The following CNOT1 variants were observed in gnomAD, a reference collection of about 807,000 sequenced individuals.
CNOT1 encodes CCR4-associated factor 1.
In CNOT1, 15 loss-of-function variants were observed where a neutral mutation model predicts 273.8. That is an observed-to-expected ratio of 0.05 (90% CI 0.04 to 0.08). The LOEUF is 0.08. Ranked by LOEUF, CNOT1 falls within the 10% of genes least tolerant of loss-of-function variation. The pLI is 1.00. For synonymous variants in CNOT1, 1,022 were observed against 1,005.5 expected (o/e 1.02, Z -0.31); for missense variants, 1,644 against 2,912.2 (o/e 0.56, Z 10.02).
Position 58,578,703 on chromosome 16 carries a change from C to A in CNOT1, c.1580G>T (p.Gly527Val). 6.2e-7 allele frequency: 1 copy of A among 1,613,926 alleles called. No individual in the cohort carries two copies. Among genetic ancestry groups the A allele is most frequent in the Non-Finnish European group, 8.5e-7 (1 of 1,179,970 alleles). The change falls in exon 13 of 49, where the codon GGG becomes GTG. Residue 527 changes from glycine (G) to valine (V), a missense_variant. By Grantham distance (109) the Gly-to-Val change is moderately radical (BLOSUM62 -3). This residue lies in a region of CNOT1 where 706 missense variants were observed against 1,021.2 expected (regional missense o/e 0.69). Transcript: ENST00000317147. The stretch of plus-strand genomic sequence containing the variant: ...AAGCACACGGTCACATCTTACCTGC[C>A]CATGCCATGCATAGTGCAAAATAAT... ...SAIILHYAWH[G>V]QGQSPSIRQL...
chr16:58,603,408 A>T (rs4784961), intron 1 of CNOT1, among the ~76,000 whole-genome samples: 7,251 of 96,644 alleles, frequency 0.075, 325 homozygotes, highest in Non-Finnish European at 0.1. Context: ...ACAATTTAAA[A>T]GTGTGTGTGT....
chr16:58,573,765 G>C (rs373426689), intron 16 of CNOT1, among the ~76,000 whole-genome samples: 2 of 152,010 alleles, frequency 1.3e-5, no homozygotes, highest in Admixed American at 1.3e-4. Flanking sequence ...ACAGGCATGA[G>C]CCACCGCACC....
At chr16:58,629,439 G>A (rs2043734762) in intron 1 of CNOT1, among the ~76,000 whole-genome samples, 1 of 152,128 alleles carries the variant, frequency 6.6e-6, no homozygotes, top group African/African-American at 2.4e-5. Flanking sequence ...CTCCAGGCCC[G>A]GGACAGAGAC....
intron 10 of CNOT1, among the ~76,000 whole-genome samples, chr16:58,582,168 T>C (rs1343540315): frequency 6.7e-6 from 1 of 149,994 alleles, no homozygotes; most frequent in East Asian, 1.9e-4. Context: ...GGCACAAGCC[T>C]GTAGACCGAG....
At chr16:58,605,482 G>A (rs956918414) in intron 1 of CNOT1, among the ~76,000 whole-genome samples, 1 of 152,086 alleles carries the variant, frequency 6.6e-6, no homozygotes, top group African/African-American at 2.4e-5. Context: ...CTCCAGCCTA[G>A]GCGACAGAGC....
Position 58,525,992 on chromosome 16 carries a change from T to A in CNOT1, c.6600A>T (p.Leu2200=), listed in dbSNP as rs745516414. ...VTFLSDLRSN[L]QVSNEPGNRY... is the part of the protein sequence containing the mutation. ...GTTTTAAGCCAAACCAATTAACCTGTAGGTTGCTGCGCAGATCAGACAGGA... is the reference window on the plus strand; with the variant it reads ...GTTTTAAGCCAAACCAATTAACCTGAAGGTTGCTGCGCAGATCAGACAGGA... Residue 2200 remains leucine (L), a synonymous_variant, in exon 45 of 49, where the codon CTA becomes CTT. Coordinates refer to ENST00000317147, the MANE Select transcript of CNOT1 (RefSeq NM_016284.5). 3.1e-6 allele frequency: 5 copies of A among 1,613,910 alleles called. No homozygotes were observed. The South Asian group carries it at 5.5e-5, about 18-fold the overall frequency.
At chr16:58,536,568 TAAATTAGAA>T (rs999199105) in intron 39 of CNOT1, among the ~76,000 whole-genome samples, 1 of 152,184 alleles carries the variant, frequency 6.6e-6, no homozygotes, top group African/African-American at 2.4e-5. Flanking sequence ...GGTAGATATT[TAAATTAGAA>T]AATACAATAA....
chr16:58,522,408 T>TA (rs1371549487), intron 47 of CNOT1, among the ~76,000 whole-genome samples: 4 of 152,162 alleles, frequency 2.6e-5, no homozygotes, highest in African/African-American at 9.7e-5. Context: ...TTACTGCAGC[T>TA]TTATATAAAC....
chr16:58,538,897 T>C lies in CNOT1; in HGVS notation c.5010A>G (p.Leu1670=), dbSNP rs2039994535. Residue 1670 remains leucine, a synonymous_variant, in exon 36 of 49, where the codon CTA becomes CTG. Coordinates refer to ENST00000317147, the MANE Select transcript of CNOT1 (RefSeq NM_016284.5). ...CAGCATCAGCACCACTTGTGGCATCTAGTAAGCCCTCTACAGCCTATGGGA... is the reference window on the plus strand; with the variant it reads ...CAGCATCAGCACCACTTGTGGCATCCAGTAAGCCCTCTACAGCCTATGGGA... The part of the protein sequence containing the change: ...GLLQKAVEGL[L]DATSGADADL... The C allele has an allele frequency of 1.2e-5, 19 of 1,609,312 alleles. No individual in the cohort carries two copies. The highest frequency in any genetic ancestry group is 1.6e-5 in the Non-Finnish European group (19 of 1,179,180).
At chr16:58,537,324 T>C in intron 38 of CNOT1, 104 bp from the exon 39 acceptor site, 11 of 1,464,554 alleles carry the variant, frequency 7.5e-6, no homozygotes, top group Non-Finnish European at 9.9e-6. Context: ...CCAGAGTGGT[T>C]TACCACTTCG....
intron 2 of CNOT1, among the ~76,000 whole-genome samples, chr16:58,593,427 C>T (rs2151996245): frequency 6.6e-6 from 1 of 152,252 alleles, no homozygotes; most frequent in East Asian, 1.9e-4. Context: ...GGCATAGTGG[C>T]ACATGCCTGT....
Position 58,560,304 on chromosome 16 carries a change from C to T in CNOT1, c.2038G>A (p.Val680Ile). The T allele has an allele frequency of 6.2e-7, 1 of 1,614,176 alleles. No individual in the cohort carries two copies. The highest frequency in any genetic ancestry group is 8.5e-7 in the Non-Finnish European group (1 of 1,180,034). The change falls in exon 17 of 49, where the codon GTT becomes ATT. Residue 680 changes from valine (V) to isoleucine (I), a missense_variant. By Grantham distance (29) the Val-to-Ile change is conservative (BLOSUM62 3). This residue lies in a region of CNOT1 where 706 missense variants were observed against 1,021.2 expected (regional missense o/e 0.69). Coordinates refer to ENST00000317147, the MANE Select transcript of CNOT1 (RefSeq NM_016284.5). Reference sequence around the variant, plus strand: ...GGTGGTTGTCTGGCCTTATTCATAACATTACTGCAATTGGCTACCATGGTG... The same window carrying T: ...GGTGGTTGTCTGGCCTTATTCATAATATTACTGCAATTGGCTACCATGGTG... ...ILTMVANCSN[V>I]MNKARQPPPG...
At chr16:58,533,778 T>C (rs940681322) in intron 40 of CNOT1, among the ~76,000 whole-genome samples, 8 of 152,162 alleles carry the variant, frequency 5.3e-5, no homozygotes, top group African/African-American at 1.2e-4. Flanking sequence ...TAAGCCGAGA[T>C]TGCACCACTG....
intron 17 of CNOT1, 139 bp from the exon 18 acceptor site, chr16:58,558,813 C>T (rs948135075): frequency 1.7e-6 from 2 of 1,196,194 alleles, no homozygotes; most frequent in Admixed American, 2.4e-5. Context: ...ATACTTAAAT[C>T]CCAGTTATCA....
At chr16:58,555,990 T>C (rs2151936949) in intron 19 of CNOT1, 82 bp from the exon 20 acceptor site, 1 of 1,560,126 alleles carries the variant, frequency 6.4e-7, no homozygotes, top group African/African-American at 1.4e-5. Flanking sequence ...CAGAGACTAT[T>C]ATAGCTCTAA....
chr16:58,591,229 A>C (rs192841529), intron 2 of CNOT1, among the ~76,000 whole-genome samples: 1 of 152,186 alleles, frequency 6.6e-6, no homozygotes, highest in Non-Finnish European at 1.5e-5. Context: ...GAATACACTG[A>C]CTTGTCTGAG....
chr16:58,595,269 C>G (rs1406979418), intron 2 of CNOT1, among the ~76,000 whole-genome samples: 1 of 151,902 alleles, frequency 6.6e-6, no homozygotes, highest in African/African-American at 2.4e-5. Flanking sequence ...GCATTTTGTT[C>G]AAGTTAATCC....
Position 58,599,459 on chromosome 16 carries a change from A to G in CNOT1, c.-122T>C, listed in dbSNP as rs1376899788. 16 of 1,197,884 alleles carry G rather than the reference A, an allele frequency of 1.3e-5. No individual in the cohort carries two copies. The Admixed American group carries it at 1.4e-4, about 11-fold the overall frequency. 74.2% of individuals were successfully genotyped at this position (1,197,884 alleles called of 1,614,324 possible). On this transcript the variant is annotated 5_prime_UTR_variant, in exon 2 of 49. Transcript: ENST00000317147. Reference sequence around the variant, plus strand: ...TTAGGCTATATCTGGTATCTGTATAATATCTTCAGTTCTTCTTTACCAGGG... The same window carrying G: ...TTAGGCTATATCTGGTATCTGTATAGTATCTTCAGTTCTTCTTTACCAGGG...
intron 1 of CNOT1, among the ~76,000 whole-genome samples, chr16:58,604,740 T>C (rs1327653814): frequency 7.4e-6 from 1 of 135,338 alleles, no homozygotes; most frequent in Non-Finnish European, 1.5e-5. Context: ...GAGGTTGCGG[T>C]GGGCCAAGAT....
Sources: allele counts gnomAD v4.1 joint callset (sites outside exome capture counted in the v4.1 genomes callset), GRCh38; gene constraint gnomAD v4.1.1; regional missense constraint gnomAD v4.1.1; transcripts MANE v1.5; gene names NCBI Gene and HGNC (gene_info 2026-07-23, HGNC 2026-07-21).